CFAP91: variants seen among roughly 807,000 people sequenced by gnomAD.
CFAP91 encodes cilia- and flagella-associated protein 91.
CFAP91 carries 85 observed loss-of-function variants against 95.9 expected under a neutral mutation model. The ratio of observed to expected loss-of-function variants is 0.89; its 90% confidence interval spans 0.74 to 1.06. The LOEUF (loss-of-function observed/expected upper bound fraction) is 1.06. CFAP91 is among the 50% of genes least tolerant of loss of function. CFAP91 has a pLI of 0.00. For missense variants in CFAP91, 962 were observed against 943.4 expected, an observed-to-expected ratio of 1.02 and a Z score of -0.26; for synonymous variants, 335 against 327.5, an observed-to-expected ratio of 1.02 and a Z score of -0.25.
rs2053443468 is a variant in CFAP91, at chr3:119,709,889, T to C, written c.494T>C (p.Val165Ala). The change falls in exon 5 of 18, where the codon GTA (valine) becomes GCA (alanine). Residue 165 changes from valine (V) to alanine (A), a missense_variant. Physicochemically the swap from Val to Ala is moderately conservative, Grantham distance 64. Coordinates refer to ENST00000273390, the MANE Select transcript of CFAP91 (RefSeq NM_033364.4). The stretch of plus-strand genomic sequence containing the variant: ...ATGCCATTCAATGTTGTTTATGCCG[T>C]ATCCAAGTAAGTAACCATTATTTGA... Reference protein sequence around the residue: ...QQMPFNVVYAVSKAEPYTFPP... With the variant: ...QQMPFNVVYAASKAEPYTFPP... 1 of 1,608,176 alleles carries C rather than the reference T, an allele frequency of 6.2e-7. No individual in the cohort carries two copies. The highest frequency in any genetic ancestry group is 2.2e-5 in the East Asian group (1 of 44,848).
chr3:119,706,917 A>G, intron 2 of CFAP91, 32 bp downstream of exon 2: 1 of 1,544,114 alleles, frequency 6.5e-7, no homozygotes, highest in Non-Finnish European at 8.9e-7. Flanking sequence ...AGGCTACCTG[A>G]TGAACCTGAA....
At chr3:119,764,059 G>A (rs566471093) in intron 17 of CFAP91, among the ~76,000 whole-genome samples, 9 of 152,030 alleles carry the variant, frequency 5.9e-5, no homozygotes, top group African/African-American at 1.4e-4. Flanking sequence ...CAACGTGCAC[G>A]TATTTCAAAC....
chr3:119,736,265 A>G (rs1393867028), intron 10 of CFAP91, among the ~76,000 whole-genome samples: 1 of 81,128 alleles, frequency 1.2e-5, no homozygotes, highest in Non-Finnish European at 2.5e-5. Context: ...CTTTCTTTCT[A>G]TTGTTTTTTT....
At chr3:119,716,799 C>G (rs930304858) in intron 6 of CFAP91, among the ~76,000 whole-genome samples, 1 of 152,044 alleles carries the variant, frequency 6.6e-6, no homozygotes, top group Non-Finnish European at 1.5e-5. Flanking sequence ...ACCGTGTTAG[C>G]CAGGATGGTC....
chr3:119,747,807 T>C lies in CFAP91; in HGVS notation c.2052-4T>C, dbSNP rs2054253328. The C allele has an allele frequency of 6.2e-7, 1 of 1,610,554 alleles. No homozygotes were observed. The highest frequency in any genetic ancestry group is 1.3e-5 in the African/African-American group (1 of 74,844). Reference sequence around the variant, plus strand: ...AATAATTCAATTTGTTTTATATTTTTTAGCCGAACCTATCTTCAGTCAGAG... The same window carrying C: ...AATAATTCAATTTGTTTTATATTTTCTAGCCGAACCTATCTTCAGTCAGAG... On this transcript the variant is annotated splice_polypyrimidine_tract_variant and splice_region_variant and intron_variant, in intron 15 of 17. Transcript: ENST00000273390.
intron 12 of CFAP91, 54 bp from the exon 13 acceptor site, chr3:119,740,495 T>G: frequency 6.3e-7 from 1 of 1,595,302 alleles, no homozygotes; most frequent in Admixed American, 1.7e-5. Context: ...CTCCTAGTGC[T>G]TGGCACAAAG....
chr3:119,747,323 T>C, intron 15 of CFAP91, 60 bp downstream of exon 15: 1 of 1,538,604 alleles, frequency 6.5e-7, no homozygotes, highest in Non-Finnish European at 8.7e-7. Context: ...CTCATATATA[T>C]TTTTTCAAGA....
chr3:119,753,157 G>A (rs2054357962), intron 17 of CFAP91, among the ~76,000 whole-genome samples: 1 of 152,166 alleles, frequency 6.6e-6, no homozygotes. Flanking sequence ...GTTGGGTCTG[G>A]CATTTGGAGC....
chr3:119,715,991 T>C (rs1246028880), intron 6 of CFAP91: 1 of 593,118 alleles, frequency 1.7e-6, no homozygotes, highest in Admixed American at 3.1e-5. Flanking sequence ...TTGCAGTTGC[T>C]TTGCTGACTA....
intron 6 of CFAP91, among the ~76,000 whole-genome samples, chr3:119,722,195 A>AAAAAAAG (rs1553707014): frequency 1.3e-5 from 2 of 149,224 alleles, no homozygotes; most frequent in African/African-American, 5.0e-5. Context: ...AAAAAAAAAA[A>AAAAAAAG]GGAAGAAGAT....
intron 4 of CFAP91, among the ~76,000 whole-genome samples, chr3:119,708,929 A>G (rs1028393214): frequency 6.6e-6 from 1 of 152,206 alleles, no homozygotes; most frequent in Non-Finnish European, 1.5e-5. Context: ...AGCAAGGGGT[A>G]GATCTGGGGT....
intron 7 of CFAP91, among the ~76,000 whole-genome samples, chr3:119,727,078 ACT>A (rs2053797657): frequency 1.3e-5 from 2 of 152,044 alleles, no homozygotes; most frequent in Admixed American, 1.3e-4. Context: ...AAAAATTATA[ACT>A]CTCTAGCAAG....
chr3:119,704,997 G>A (rs943693078), intron 1 of CFAP91, among the ~76,000 whole-genome samples: 1 of 152,172 alleles, frequency 6.6e-6, no homozygotes, highest in Non-Finnish European at 1.5e-5. Flanking sequence ...TTTATGTTAA[G>A]TACCCTCTGA....
chr3:119,754,860 A>C (rs2054394799), intron 17 of CFAP91, among the ~76,000 whole-genome samples: 1 of 152,254 alleles, frequency 6.6e-6, no homozygotes, highest in Non-Finnish European at 1.5e-5. Context: ...GGGCAGAGCC[A>C]TGGGAATGAT....
chr3:119,744,402 T>C (rs948082293), intron 14 of CFAP91, among the ~76,000 whole-genome samples: 2 of 152,178 alleles, frequency 1.3e-5, no homozygotes, highest in African/African-American at 4.8e-5. Context: ...AAATAACACA[T>C]AATACGCACG....
chr3:119,748,944 C>T (rs1445266632), intron 16 of CFAP91, among the ~76,000 whole-genome samples: 1 of 152,164 alleles, frequency 6.6e-6, no homozygotes, highest in African/African-American at 2.4e-5. Context: ...AAAGATTGTT[C>T]TACCAATTTG....
rs544955523 is a variant in CFAP91 at position 119,708,230 on chromosome 3, A to G, written c.360-361A>G. Among the ~76,000 whole-genome samples the G allele has an allele frequency of 3.1e-4, 45 of 147,188 alleles. 1 individual carries two copies. In the South Asian group the frequency reaches 3.6e-3, roughly 12 times the overall value. On this transcript the variant is annotated intron_variant, in intron 3 of 17. Coordinates refer to ENST00000273390, the MANE Select transcript of CFAP91 (RefSeq NM_033364.4). Reference sequence around the variant, plus strand: ...CAGGAGGTGGAGATTGCACCACTGCACTCCAGCCTGGGTGACAGAGCGAGA... The same window carrying G: ...CAGGAGGTGGAGATTGCACCACTGCGCTCCAGCCTGGGTGACAGAGCGAGA...
intron 17 of CFAP91, among the ~76,000 whole-genome samples, chr3:119,755,105 T>A (rs1577246811): frequency 6.6e-6 from 1 of 152,296 alleles, no homozygotes; most frequent in Admixed American, 6.5e-5. Flanking sequence ...AGCTGGAGAA[T>A]AATTTTGCCT....
intron 14 of CFAP91, among the ~76,000 whole-genome samples, chr3:119,745,617 G>A (rs1479371170): frequency 3.9e-5 from 6 of 152,198 alleles, no homozygotes; most frequent in African/African-American, 1.4e-4. Flanking sequence ...CTACTATTAC[G>A]TGACTGAGCT....
Sources: gnomAD v4.1 joint callset for allele counts (sites outside exome capture counted in the v4.1 genomes callset) on GRCh38, gnomAD v4.1.1 for gene constraint, MANE v1.5 for transcripts, NCBI Gene and HGNC (gene_info 2026-07-23, HGNC 2026-07-21) for gene names.